SEC24B: variants seen among roughly 807,000 people sequenced by gnomAD.
SEC24B encodes protein transport protein Sec24B.
Under a neutral mutation model 142.8 loss-of-function variants are expected in SEC24B, and 45 were observed. That is an observed-to-expected ratio of 0.32 (90% CI 0.25 to 0.40). The LOEUF is 0.40. Among genes scored for constraint, SEC24B ranks in the 10% least tolerant of loss-of-function variants. The pLI is 1.00. For synonymous variants in SEC24B, 574 were observed against 568.2 expected (o/e 1.01, Z -0.15); for missense variants, 1,409 against 1,526.8 (o/e 0.92, Z 1.29).
At chr4:109,439,474 A>ATTTTTTTTTTTTTTTTTTTTTTTTTT (rs70949077) in intron 1 of SEC24B, among the ~76,000 whole-genome samples, 2 of 43,996 alleles carry the variant, frequency 4.5e-5, no homozygotes, top group Non-Finnish European at 8.0e-5. Flanking sequence ...TCCTAAGCTG[A>ATTTTTTTTTTTTTTTTTTTTTTTTTT]TTTTTTTTTT....
At chr4:109,460,028 C>T (rs892950715) in intron 1 of SEC24B, among the ~76,000 whole-genome samples, 2 of 152,080 alleles carry the variant, frequency 1.3e-5, no homozygotes, top group African/African-American at 2.4e-5. Context: ...TGAATTATTA[C>T]CATCTAAAAT....
chr4:109,532,557 C>A, intron 20 of SEC24B, 82 bp from the exon 21 acceptor site: 1 of 963,066 alleles, frequency 1.0e-6, no homozygotes, highest in Non-Finnish European at 1.6e-6. Flanking sequence ...TCCAATGCTT[C>A]ATAAAGGGTT....
In SEC24B at chr4:109,472,949, A is replaced by G. The variant is rs1004853580; in HGVS notation, c.878-55A>G. The G allele has an allele frequency of 8.4e-6, 7 of 830,492 alleles. No individual in the cohort carries two copies. In the African/African-American group the frequency reaches 1.3e-4, roughly 15 times the overall value. 51.4% of individuals were successfully genotyped at this position (830,492 alleles called of 1,614,324 possible). A position where few individuals can be genotyped will look rare whatever the true frequency, so the allele number is the denominator to read the frequency against. ...TATATAGTATTGTATGTGGTACTAT[A>G]TTATATATTAATATATTTCAAGTTT... On this transcript the variant is annotated intron_variant, in intron 2 of 23. Transcript: ENST00000265175.
At chr4:109,486,492 C>G (rs930576185) in intron 4 of SEC24B, among the ~76,000 whole-genome samples, 5 of 152,164 alleles carry the variant, frequency 3.3e-5, no homozygotes, top group African/African-American at 1.2e-4. Flanking sequence ...CTGATCTGTT[C>G]TCCTCGTTAC....
At chr4:109,467,562 T>TGAGTGTGACTTGGGGATGTAAAGATGCCC (rs1445347633) in intron 2 of SEC24B, among the ~76,000 whole-genome samples, 1 of 152,152 alleles carries the variant, frequency 6.6e-6, no homozygotes, top group Non-Finnish European at 1.5e-5. Flanking sequence ...TGAAGTTGCC[T>TGAGTGTGACTTGGGGATGTAAAGATGCCC]GAGTGTGACT....
chr4:109,460,722 G>A (rs944221555), intron 1 of SEC24B, among the ~76,000 whole-genome samples: 7 of 151,396 alleles, frequency 4.6e-5, no homozygotes, highest in African/African-American at 9.7e-5. Flanking sequence ...GTTAATATAT[G>A]TAAAGCATTT....
rs760284981 is a variant in SEC24B at position 109,530,276 on chromosome 4, G to C, written c.3077-13G>C. The C allele has an allele frequency of 1.9e-6, 3 of 1,603,534 alleles. No homozygotes were observed. Among genetic ancestry groups the C allele is most frequent in the Non-Finnish European group, 2.6e-6 (3 of 1,173,040 alleles). ...TAATGGTTAAAATACCTTTCACTTT[G>C]GTTGCTTTTTAGCTGTGGATCGGTC... On this transcript the variant is annotated splice_polypyrimidine_tract_variant and intron_variant, in intron 18 of 23. Transcript: ENST00000265175.
At chr4:109,531,735 T>C (rs1196134712) in intron 20 of SEC24B, among the ~76,000 whole-genome samples, 1 of 152,230 alleles carries the variant, frequency 6.6e-6, no homozygotes, top group African/African-American at 2.4e-5. Context: ...TTTTAAAAAA[T>C]AGTTTCATAT....
chr4:109,507,876 C>G (rs1268097986), intron 7 of SEC24B, among the ~76,000 whole-genome samples: 1 of 152,060 alleles, frequency 6.6e-6, no homozygotes, highest in Non-Finnish European at 1.5e-5. Context: ...AACTCCCGAC[C>G]TCAGGTGATC....
At chr4:109,477,140 TAAAAAAAAAAAA>T (rs759331468) in intron 3 of SEC24B, among the ~76,000 whole-genome samples, 1 of 55,884 alleles carries the variant, frequency 1.8e-5, no homozygotes, top group Non-Finnish European at 4.5e-5. Flanking sequence ...CCGTCTCAAA[TAAAAAAAAAAAA>T]AAAAAAAAAA....
chr4:109,506,640 T>C, intron 7 of SEC24B, 128 bp downstream of exon 7: 1 of 655,898 alleles, frequency 1.5e-6, no homozygotes, highest in Non-Finnish European at 2.3e-6. Context: ...TCTCTTTTAG[T>C]TTGTATAGAT....
intron 1 of SEC24B, among the ~76,000 whole-genome samples, chr4:109,447,263 C>T (rs781475651): frequency 2.0e-5 from 3 of 151,982 alleles, no homozygotes; most frequent in Non-Finnish European, 4.4e-5. Context: ...TCAGCCTTTT[C>T]ATACTCATGG....
chr4:109,469,003 G>C (rs1732249194), intron 2 of SEC24B, among the ~76,000 whole-genome samples: 1 of 152,058 alleles, frequency 6.6e-6, no homozygotes, highest in African/African-American at 2.4e-5. Context: ...GAGCTACTAA[G>C]AACTAAAGGC....
Position 109,521,608 on chromosome 4 carries a change from T to C in SEC24B, c.2490T>C (p.Asn830=). The change falls in exon 14 of 24, where the codon AAT becomes AAC. Residue 830 remains asparagine, a synonymous_variant. Transcript: ENST00000265175. ...TTCTGCAATCCAGAGAAGATCCTAA[T>C]CAGAGATCAAGTACAAAGGTATTTT... ...AGLLQSREDP[N]QRSSTKVVQH... 6.2e-7 allele frequency: 1 copy of C among 1,612,716 alleles called. No individual in the cohort carries two copies. The highest frequency in any genetic ancestry group is 8.5e-7 in the Non-Finnish European group (1 of 1,179,016).
chr4:109,483,001 C>CATAT (rs1238618814), intron 4 of SEC24B, among the ~76,000 whole-genome samples: 10 of 99,734 alleles, frequency 1.0e-4, no homozygotes, highest in African/African-American at 3.9e-4. Context: ...CACACACACA[C>CATAT]ACATATTATA....
At chr4:109,530,625 T>C (rs998682271) in intron 19 of SEC24B, among the ~76,000 whole-genome samples, 161 bp downstream of exon 19, 1 of 152,014 alleles carries the variant, frequency 6.6e-6, no homozygotes, top group Non-Finnish European at 1.5e-5. Flanking sequence ...AATGGGGCCA[T>C]GCATGGTGGC....
chr4:109,473,050 C>T lies in SEC24B; in HGVS notation c.924C>T (p.Pro308=). The change falls in exon 3 of 24, where the codon CCC becomes CCT. Residue 308 remains proline (P), a synonymous_variant. Coordinates refer to ENST00000265175, the MANE Select transcript of SEC24B (RefSeq NM_006323.5). ...CTGTTATGCAAAATGTTCAGCCTCCCAAGTCCAGCCCAGTGGTATCCACTG... is the reference window on the plus strand; with the variant it reads ...CTGTTATGCAAAATGTTCAGCCTCCTAAGTCCAGCCCAGTGGTATCCACTG... ...SCPVMQNVQP[P]KSSPVVSTVL... The T allele has an allele frequency of 1.3e-6, 2 of 1,592,410 alleles. No homozygotes were observed. The highest frequency in any genetic ancestry group is 1.7e-6 in the Non-Finnish European group (2 of 1,169,820).
At chr4:109,460,168 T>C (rs1312378423) in intron 1 of SEC24B, among the ~76,000 whole-genome samples, 1 of 152,184 alleles carries the variant, frequency 6.6e-6, no homozygotes, top group Non-Finnish European at 1.5e-5. Flanking sequence ...GTGTAAGTTA[T>C]TTTTATGCTG....
At chr4:109,483,566 A>C (rs1234883114) in intron 4 of SEC24B, among the ~76,000 whole-genome samples, 3 of 152,174 alleles carry the variant, frequency 2.0e-5, no homozygotes, top group Non-Finnish European at 1.5e-5. Context: ...AGACTGAACC[A>C]ATAACTGATG....
Sources: gnomAD v4.1 joint callset for allele counts (sites outside exome capture counted in the v4.1 genomes callset) on GRCh38, gnomAD v4.1.1 for gene constraint, MANE v1.5 for transcripts, NCBI Gene and HGNC (gene_info 2026-07-23, HGNC 2026-07-21) for gene names.